Variants in PKN2 observed in about 807,000 individuals in gnomAD.
PKN2 encodes the protein protein kinase N2.
In PKN2, 38 loss-of-function variants were observed where a neutral mutation model predicts 119.1. The ratio of observed to expected loss-of-function variants is 0.32; its 90% CI spans 0.25 to 0.42. The LOEUF (loss-of-function observed/expected upper bound fraction) is 0.42. Among genes scored for constraint, PKN2 ranks in the 10% least tolerant of loss-of-function variants. PKN2 has a pLI of 1.00. For missense variants in PKN2, 850 were observed against 1,165.1 expected (o/e 0.73, Z 3.94); for synonymous variants, 390 against 384.9 (o/e 1.01, Z -0.15).
chr1:88,828,886 G>C (rs1404935709), intron 19 of PKN2: 1 of 609,480 alleles, frequency 1.6e-6, no homozygotes, highest in Non-Finnish European at 3.0e-6. Flanking sequence ...CTGATTTTAA[G>C]ACATAGTCAT....
At chr1:88,805,321 G>C (rs1321475009) in intron 10 of PKN2, among the ~76,000 whole-genome samples, 176 bp from the exon 11 acceptor site, 1 of 151,976 alleles carries the variant, frequency 6.6e-6, no homozygotes, top group Non-Finnish European at 1.5e-5. Flanking sequence ...TTAAAACTAC[G>C]TATGCTATTT....
intron 1 of PKN2, among the ~76,000 whole-genome samples, chr1:88,703,754 A>G (rs1456028456): frequency 1.3e-5 from 2 of 152,174 alleles, no homozygotes; most frequent in African/African-American, 4.8e-5. Context: ...TGAGATGGGA[A>G]TATATCAGTT....
At chr1:88,724,885 T>TTTTTTG (rs1667836991) in intron 1 of PKN2, among the ~76,000 whole-genome samples, 2 of 144,878 alleles carry the variant, frequency 1.4e-5, no homozygotes, top group African/African-American at 5.2e-5. Context: ...CCCCTTGGTT[T>TTTTTTG]TTTTTTTTTT....
At chr1:88,723,410 GCC>G (rs35424856) in intron 1 of PKN2, among the ~76,000 whole-genome samples, 3 of 125,126 alleles carry the variant, frequency 2.4e-5, no homozygotes, top group Admixed American at 1.7e-4. Flanking sequence ...ACCGTGCCCT[GCC>G]CCCCCCCCTT....
intron 2 of PKN2, among the ~76,000 whole-genome samples, chr1:88,754,171 T>G (rs1669109217): frequency 6.6e-6 from 1 of 152,200 alleles, no homozygotes; most frequent in African/African-American, 2.4e-5. Flanking sequence ...TATCTCTTTA[T>G]GTATTGTCTT....
At chr1:88,818,874 A>G (rs1220834215) in intron 16 of PKN2, among the ~76,000 whole-genome samples, 1 of 152,180 alleles carries the variant, frequency 6.6e-6, no homozygotes, top group Non-Finnish European at 1.5e-5. Context: ...AAATAATGCC[A>G]CACATCTACA....
chr1:88,731,557 G>A (rs2100727386), intron 1 of PKN2, among the ~76,000 whole-genome samples: 1 of 152,326 alleles, frequency 6.6e-6, no homozygotes, highest in East Asian at 1.9e-4. Context: ...TTGCTTAGCT[G>A]CTTTAAGCAT....
At chr1:88,811,125 T>G (rs1671766846) in intron 15 of PKN2, among the ~76,000 whole-genome samples, 1 of 152,224 alleles carries the variant, frequency 6.6e-6, no homozygotes, top group South Asian at 2.1e-4. Context: ...TAAAACACTC[T>G]AAGTCCCATT....
Position 88,833,348 on chromosome 1 carries a change from C to T in PKN2, c.2855C>T (p.Ser952Leu), listed in dbSNP as rs1204354896. 1.2e-6 allele frequency: 2 copies of T among 1,613,226 alleles called. No individual in the cohort carries two copies. The highest frequency in any genetic ancestry group is 1.3e-5 in the African/African-American group (1 of 74,892). Residue 952 changes from serine to leucine, a missense_variant, in exon 22 of 22, where the codon TCA becomes TTA. Around this residue, in one of 9 missense-constraint regions of PKN2, gnomAD observed 52 missense variants for 39.9 expected, o/e 1.30. Transcript: ENST00000370521. Reference protein sequence around the residue: ...DVSNFDDEFTSEAPILTPPRE... With the variant: ...DVSNFDDEFTLEAPILTPPRE... Reference sequence around the variant, plus strand: ...AGTAATTTTGATGATGAATTTACCTCAGAAGCACCTATTCTGACTCCACCT... The same window carrying T: ...AGTAATTTTGATGATGAATTTACCTTAGAAGCACCTATTCTGACTCCACCT...
At chr1:88,776,702 T>C (rs1670122064) in intron 6 of PKN2, among the ~76,000 whole-genome samples, 1 of 151,544 alleles carries the variant, frequency 6.6e-6, no homozygotes, top group African/African-American at 2.4e-5. Flanking sequence ...ATCATGCCAC[T>C]GCACTCCAGC....
chr1:88,719,122 A>G (rs941221965), intron 1 of PKN2, among the ~76,000 whole-genome samples: 2 of 152,230 alleles, frequency 1.3e-5, no homozygotes, highest in Admixed American at 6.5e-5. Flanking sequence ...TATGAGGACA[A>G]TGGAAAGGTT....
At chr1:88,698,694 C>T (rs1382401587) in intron 1 of PKN2, among the ~76,000 whole-genome samples, 1 of 152,046 alleles carries the variant, frequency 6.6e-6, no homozygotes, top group African/African-American at 2.4e-5. Flanking sequence ...TCAATTAGTC[C>T]TACTCCCCAG....
chr1:88,807,517 TTC>T lies in PKN2; in HGVS notation c.1935-8_1935-7del. 1 of 1,608,856 alleles carries T rather than the reference TTC, an allele frequency of 6.2e-7. No individual in the cohort carries two copies. The highest frequency in any genetic ancestry group is 1.3e-5 in the African/African-American group (1 of 74,736). ...TTATTGTCTTATTATTAATTGAAAT[TTC>T]TCTTTTCAGATCTCAGCAAAGGTTT... On this transcript the variant is annotated splice_polypyrimidine_tract_variant and intron_variant, in intron 13 of 21. Coordinates refer to ENST00000370521, the MANE Select transcript of PKN2 (RefSeq NM_006256.4).
intron 6 of PKN2, among the ~76,000 whole-genome samples, chr1:88,775,767 T>C (rs1670069833): frequency 6.6e-6 from 1 of 152,172 alleles, no homozygotes; most frequent in Non-Finnish European, 1.5e-5. Context: ...ATTAGTCTTT[T>C]AAATCATAAA....
chr1:88,833,116 G>A lies in PKN2; in HGVS notation c.2710G>A (p.Glu904Lys), dbSNP rs571156003. The A allele has an allele frequency of 5.7e-5, 92 of 1,612,936 alleles. 1 individual carries two copies. In the South Asian group the frequency reaches 7.9e-4, roughly 14 times the overall value. Reference protein sequence around the residue: ...RNPERRLGASEKDAEDVKKHP... With the variant: ...RNPERRLGASKKDAEDVKKHP... ...TCCTGAACGGCGCCTTGGGGCTAGCGAGAAAGATGCAGAGGATGTAAAAAA... is the reference window on the plus strand; with the variant it reads ...TCCTGAACGGCGCCTTGGGGCTAGCAAGAAAGATGCAGAGGATGTAAAAAA... Residue 904 changes from glutamate (E) to lysine (K), a missense_variant, in exon 21 of 22, where the codon GAG (glutamate) becomes AAG (lysine). This residue lies in a region of PKN2 where 95 missense variants were observed against 150.2 expected (regional missense o/e 0.63). Transcript: ENST00000370521.
intron 6 of PKN2, among the ~76,000 whole-genome samples, chr1:88,772,905 TCTAA>T (rs1340363554): frequency 6.6e-6 from 1 of 152,208 alleles, no homozygotes; most frequent in Non-Finnish European, 1.5e-5. Flanking sequence ...TGGTAATATA[TCTAA>T]CTATGTCTGT....
intron 19 of PKN2, among the ~76,000 whole-genome samples, 173 bp from the exon 20 acceptor site, chr1:88,832,571 T>C (rs991673686): frequency 7.9e-5 from 12 of 152,002 alleles, no homozygotes; most frequent in South Asian, 6.2e-4. Context: ...TCACTTCTTA[T>C]AGTTCTTTTG....
chr1:88,798,838 A>T (rs1372681882), intron 8 of PKN2, among the ~76,000 whole-genome samples: 3 of 152,224 alleles, frequency 2.0e-5, no homozygotes, highest in Non-Finnish European at 4.4e-5. Context: ...ACAAGGATAC[A>T]TAAAAAGATA....
chr1:88,764,044 C>T (rs1669560040), intron 3 of PKN2, among the ~76,000 whole-genome samples: 3 of 152,122 alleles, frequency 2.0e-5, no homozygotes, highest in Admixed American at 2.0e-4. Context: ...ATATTTTCAC[C>T]CTCCTGCTTC....
Sources: gnomAD v4.1 joint callset for allele counts (sites outside exome capture counted in the v4.1 genomes callset) on GRCh38, gnomAD v4.1.1 for gene constraint, gnomAD v4.1.1 regional missense constraint, MANE v1.5 for transcripts, NCBI Gene and HGNC (gene_info 2026-07-23, HGNC 2026-07-21) for gene names.